Variants in PDE3A observed in about 807,000 individuals in gnomAD.
PDE3A encodes the protein phosphodiesterase 3A.
Under a neutral mutation model 98.3 loss-of-function variants are expected in PDE3A, and 43 were observed. The ratio of observed to expected loss-of-function variants is 0.44; its 90% CI spans 0.34 to 0.56. The LOEUF (loss-of-function observed/expected upper bound fraction) is 0.56, where lower values mean the gene tolerates loss of function less well. Among genes scored for constraint, PDE3A ranks in the 20% least tolerant of loss-of-function variants. The pLI is 0.01. For missense variants in PDE3A, 1,427 were observed against 1,440.7 expected, an observed-to-expected ratio of 0.99 and a Z score of 0.15; for synonymous variants, 663 against 567.9, an observed-to-expected ratio of 1.17 and a Z score of -2.38.
chr12:20,618,483 T>C (rs892039712), intron 4 of PDE3A, among the ~76,000 whole-genome samples: 1 of 152,086 alleles, frequency 6.6e-6, no homozygotes, highest in African/African-American at 2.4e-5. Flanking sequence ...CCTTTATATA[T>C]ACAGCTGGAT....
rs142905091 is a variant in PDE3A, at chr12:20,578,464, A to G, written c.1011+21754A>G. ...CAGTTAAGTGTCACGTTCTGGAGTA[A>G]TACAACTAATACACACACACACACA... On this transcript the variant is annotated intron_variant, in intron 2 of 15. Transcript: ENST00000359062. 4.3e-5 allele frequency among the ~76,000 whole-genome samples: 4 copies of G among 93,934 alleles called. No homozygotes were observed. The East Asian group carries it at 1.2e-3, about 29-fold the overall frequency. 61.6% of individuals were successfully genotyped at this position (93,934 alleles called of 152,430 possible).
At chr12:20,431,595 AC>A (rs1250727665) in intron 1 of PDE3A, among the ~76,000 whole-genome samples, 4 of 32,504 alleles carry the variant, frequency 1.2e-4, no homozygotes, top group South Asian at 3.4e-3. Context: ...AGTCAGGAAA[AC>A]ACACACACAC....
At position 20,653,977 on chromosome 12, in the gene PDE3A, A is replaced by G. The variant is rs369925028; in HGVS notation, c.2956A>G (p.Ile986Val). ...GDEEASLGLP[I>V]SPFMDRSAPQ... is the part of the protein sequence containing the mutation. ...TGAAGAGGCCAGCCTTGGATTACCC[A>G]TAAGCCCCTTCATGGATCGTTCTGC... Residue 986 changes from isoleucine to valine, a missense_variant, in exon 15 of 16, where the codon ATA (isoleucine) becomes GTA (valine). Ile to Val is a conservative substitution (Grantham distance 29). Around this residue, in one of 3 missense-constraint regions of PDE3A, gnomAD observed 273 missense variants for 420.3 expected, o/e 0.65. Transcript: ENST00000359062. 7 of 1,614,182 alleles carry G rather than the reference A, an allele frequency of 4.3e-6. No homozygotes were observed. Among genetic ancestry groups the G allele is most frequent in the Non-Finnish European group, 5.9e-6 (7 of 1,180,020 alleles).
At chr12:20,491,296 G>C (rs914961807) in intron 1 of PDE3A, among the ~76,000 whole-genome samples, 1 of 152,144 alleles carries the variant, frequency 6.6e-6, no homozygotes, top group South Asian at 2.1e-4. Flanking sequence ...CACAGAAACA[G>C]GCATCTCTAA....
chr12:20,660,421 G>A (rs1945139625), intron 15 of PDE3A, among the ~76,000 whole-genome samples: 2 of 152,180 alleles, frequency 1.3e-5, no homozygotes, highest in South Asian at 4.1e-4. Context: ...ACAGTAACAG[G>A]CAGAGATTGG....
At chr12:20,373,375 G>A (rs1050689959) in intron 1 of PDE3A, among the ~76,000 whole-genome samples, 28 of 151,908 alleles carry the variant, frequency 1.8e-4, no homozygotes, top group African/African-American at 6.5e-4. Flanking sequence ...CCGAAACATG[G>A]GAATATACAG....
chr12:20,469,058 A>C (rs1945391865), intron 1 of PDE3A, among the ~76,000 whole-genome samples: 1 of 152,188 alleles, frequency 6.6e-6, no homozygotes, highest in Non-Finnish European at 1.5e-5. Context: ...TTCAGAACCC[A>C]GTGATAGTAT....
chr12:20,376,875 C>G (rs73232404), intron 1 of PDE3A, among the ~76,000 whole-genome samples: 2,679 of 151,886 alleles, frequency 0.018, 69 homozygotes, highest in African/African-American at 0.061. Context: ...AAGTCACAAA[C>G]TAAGCAATGT....
intron 1 of PDE3A, among the ~76,000 whole-genome samples, chr12:20,399,301 T>C (rs1315613440): frequency 6.6e-6 from 1 of 152,184 alleles, no homozygotes; most frequent in Non-Finnish European, 1.5e-5. Flanking sequence ...ATAGGAAGAT[T>C]TTTATATTGT....
intron 15 of PDE3A, among the ~76,000 whole-genome samples, chr12:20,665,398 T>C (rs1290466307): frequency 3.9e-5 from 6 of 152,224 alleles, no homozygotes; most frequent in African/African-American, 1.4e-4. Flanking sequence ...GATGTAATTC[T>C]GTGAAAATTT....
rs371501182 is a variant in PDE3A, at chr12:20,616,298, G to A, written c.1338G>A (p.Ser446=). The A allele has an allele frequency of 1.4e-5, 23 of 1,613,758 alleles. No homozygotes were observed. Among genetic ancestry groups the A allele is most frequent in the East Asian group, 4.5e-5 (2 of 44,854 alleles). Residue 446 remains serine, a synonymous_variant, in exon 4 of 16, where the codon TCG becomes TCA. Coordinates refer to ENST00000359062, the MANE Select transcript of PDE3A (RefSeq NM_000921.5). ...CTTCCACTTGGACCACCACCACCTC[G>A]GCCACAGGTCTACCCACCTTGGAGC... ...RVSSTWTTTT[S]ATGLPTLEPA...
At position 20,454,818 on chromosome 12, in the gene PDE3A, C is replaced by T. The variant is rs1467501131; in HGVS notation, c.960+84574C>T. On this transcript the variant is annotated intron_variant, in intron 1 of 15. Transcript: ENST00000359062. ...GGACATGATCTCATTTTTTTTATGA[C>T]TGCATAGTATTCCATGGTGTACATG... Among the ~76,000 whole-genome samples the T allele has an allele frequency of 2.0e-5, 3 of 152,104 alleles. No individual in the cohort carries two copies. The East Asian group carries it at 5.8e-4, about 29-fold the overall frequency.
At chr12:20,504,037 T>C (rs1946070961) in intron 1 of PDE3A, among the ~76,000 whole-genome samples, 1 of 152,150 alleles carries the variant, frequency 6.6e-6, no homozygotes, top group African/African-American at 2.4e-5. Flanking sequence ...TCACGTTGCA[T>C]TCATTTTGTT....
chr12:20,386,194 A>AAT (rs1294347174), intron 1 of PDE3A, among the ~76,000 whole-genome samples: 2 of 79,080 alleles, frequency 2.5e-5, no homozygotes, highest in Non-Finnish European at 4.5e-5. Context: ...AATATATATA[A>AAT]ATATATAAAA....
rs373436680 is a variant in PDE3A, at chr12:20,525,882, T to A, written c.961-30778T>A. On this transcript the variant is annotated intron_variant, in intron 1 of 15. Transcript: ENST00000359062. ...TAACCAAAACTTGCTATCTTATCAGTACTGAGAACTGCAGAAAAATTTCTT... is the reference window on the plus strand; with the variant it reads ...TAACCAAAACTTGCTATCTTATCAGAACTGAGAACTGCAGAAAAATTTCTT... Among the ~76,000 whole-genome samples the A allele has an allele frequency of 1.5e-3, 225 of 152,304 alleles. 2 individuals are homozygous for A. The highest frequency in any genetic ancestry group is 5.3e-3 in the African/African-American group (221 of 41,568).
chr12:20,396,365 G>T (rs1233782576), intron 1 of PDE3A, among the ~76,000 whole-genome samples: 1 of 152,052 alleles, frequency 6.6e-6, no homozygotes, highest in Admixed American at 6.6e-5. Context: ...GCCTAAGCTG[G>T]CATGTAGTGC....
At position 20,653,638 on chromosome 12, in the gene PDE3A, G is replaced by A. The variant is rs746511214; in HGVS notation, c.2926-309G>A. Among the ~76,000 whole-genome samples, 19 of 152,110 alleles carry A rather than the reference G, an allele frequency of 1.2e-4. No homozygotes were observed. In the East Asian group the frequency reaches 1.5e-3, roughly 12 times the overall value. On this transcript the variant is annotated intron_variant, in intron 14 of 15. Coordinates refer to ENST00000359062, the MANE Select transcript of PDE3A (RefSeq NM_000921.5). ...TGGGATTACAGGCGTGAGCCACCAC[G>A]CCCAGCCTCACCATTGCATTTTCGT...
At chr12:20,496,821 T>G (rs1463975854) in intron 1 of PDE3A, among the ~76,000 whole-genome samples, 1 of 152,188 alleles carries the variant, frequency 6.6e-6, no homozygotes, top group African/African-American at 2.4e-5. Flanking sequence ...GCTGCAGGAT[T>G]TTTTAAAATA....
chr12:20,407,428 CA>C (rs1318346863), intron 1 of PDE3A, among the ~76,000 whole-genome samples: 1 of 151,844 alleles, frequency 6.6e-6, no homozygotes, highest in African/African-American at 2.4e-5. Context: ...ATTTGAAAGG[CA>C]AAAAAGGCAG....
Sources: gnomAD v4.1 joint callset for allele counts (sites outside exome capture counted in the v4.1 genomes callset) on GRCh38, gnomAD v4.1.1 for gene constraint, gnomAD v4.1.1 regional missense constraint, MANE v1.5 for transcripts, NCBI Gene and HGNC (gene_info 2026-07-23, HGNC 2026-07-21) for gene names.